The following SATL1 variants were observed in gnomAD, a reference collection of about 807,000 sequenced individuals.
The protein encoded by SATL1 is spermidine/spermine N(1)-acetyltransferase-like protein 1.
SATL1 carries 47 observed loss-of-function variants against 51.8 expected under a neutral mutation model. The observed-to-expected ratio is 0.91, with a 90% CI of 0.72 to 1.16. The LOEUF is 1.16. SATL1 is among the 50% of genes most tolerant of loss of function. The pLI, the probability that SATL1 is intolerant of heterozygous loss-of-function variation, is 0.00. For synonymous variants in SATL1, 176 were observed against 182.4 expected, an observed-to-expected ratio of 0.97 and a Z score of 0.28; for missense variants, 520 against 526.4, an observed-to-expected ratio of 0.99 and a Z score of 0.12.
At chrX:85,124,123 C>G (rs1319702213) in intron 2 of SATL1, among the ~76,000 whole-genome samples, 3 of 111,914 alleles carry the variant, frequency 2.7e-5, no homozygotes, top group African/African-American at 9.7e-5. Flanking sequence ...TAGTTGTTTA[C>G]AATCCAACTT....
intron 1 of SATL1, among the ~76,000 whole-genome samples, chrX:85,239,307 C>T (rs1425649800): frequency 9.0e-6 from 1 of 110,801 alleles, no homozygotes; most frequent in East Asian, 2.8e-4. Flanking sequence ...TTGGTACAAA[C>T]CTAACAAAGC....
chrX:85,215,289 A>C (rs1413278888), intron 2 of SATL1, among the ~76,000 whole-genome samples: 2 of 111,348 alleles, frequency 1.8e-5, no homozygotes, highest in Non-Finnish European at 3.8e-5. Context: ...CTGTCTTCTT[A>C]GGTCTCTGGG....
At chrX:85,110,261 A>C (rs1721680833) in intron 2 of SATL1, among the ~76,000 whole-genome samples, 1 of 111,017 alleles carries the variant, frequency 9.0e-6, no homozygotes, top group African/African-American at 3.3e-5. Context: ...CCTCTTAAAC[A>C]CATTCCACTC....
chrX:85,136,123 G>A (rs1925949268), intron 2 of SATL1, among the ~76,000 whole-genome samples: 1 of 109,833 alleles, frequency 9.1e-6, no homozygotes, highest in Non-Finnish European at 1.9e-5. Context: ...CTGGATTTTG[G>A]GCTTTCATGA....
intron 1 of SATL1, among the ~76,000 whole-genome samples, chrX:85,237,813 A>G (rs1172848553): frequency 9.0e-6 from 1 of 111,558 alleles, no homozygotes; most frequent in Non-Finnish European, 1.9e-5. Context: ...CAAACTACCC[A>G]TCTGACAAGG....
chrX:85,094,766 T>A lies in SATL1; in HGVS notation c.1774+150A>T, dbSNP rs915285948. The stretch of plus-strand genomic sequence containing the variant: ...CTTAATAATAATGTTTATACAAACA[T>A]AAGTACATACCATGCATTTTCTTTA... On this transcript the variant is annotated intron_variant, in intron 5 of 7. Transcript: ENST00000644105. The A allele has an allele frequency of 1.1e-4, 46 of 420,768 alleles. No homozygotes were observed. The African/African-American group carries it at 1.1e-3, about 10-fold the overall frequency. The allele number at this position is 420,768 out of a possible 1,213,427, so 34.7% of individuals were successfully genotyped here. A position where few individuals can be genotyped will look rare whatever the true frequency, so the allele number is the denominator to read the frequency against.
At chrX:85,197,375 A>C (rs903655707) in intron 2 of SATL1, among the ~76,000 whole-genome samples, 1 of 111,554 alleles carries the variant, frequency 9.0e-6, no homozygotes, top group South Asian at 3.7e-4. Context: ...TTACAAAAAA[A>C]TCCTTTTAGT....
At chrX:85,189,239 T>C (rs751247285) in intron 2 of SATL1, among the ~76,000 whole-genome samples, 12 of 111,768 alleles carry the variant, frequency 1.1e-4, no homozygotes, top group African/African-American at 3.6e-4. Context: ...ACAGTCAAAC[T>C]CCTGGGCTCA....
At chrX:85,168,516 T>C in intron 2 of SATL1, among the ~76,000 whole-genome samples, 1 of 111,247 alleles carries the variant, frequency 9.0e-6, no homozygotes, top group South Asian at 3.8e-4. Context: ...AGGAATGAAC[T>C]CCCATTTACA....
At chrX:85,177,615 T>A (rs1249454748) in intron 2 of SATL1, among the ~76,000 whole-genome samples, 1 of 111,595 alleles carries the variant, frequency 9.0e-6, no homozygotes, top group African/African-American at 3.2e-5. Context: ...ATATACCCAA[T>A]TTGGGTGGTT....
intron 2 of SATL1, among the ~76,000 whole-genome samples, chrX:85,160,435 C>T (rs763255691): frequency 1.3e-3 from 145 of 110,326 alleles, no homozygotes; most frequent in African/African-American, 4.6e-3. Context: ...AACTAAGGAT[C>T]ACAGTAAAAC....
intron 2 of SATL1, among the ~76,000 whole-genome samples, chrX:85,118,992 AATT>A (rs1925446844): frequency 8.9e-6 from 1 of 112,021 alleles, no homozygotes; most frequent in South Asian, 3.7e-4. Context: ...TATTTCAAAA[AATT>A]ATTATCATTC....
At chrX:85,239,922 C>T (rs1928553047) in intron 1 of SATL1, among the ~76,000 whole-genome samples, 1 of 107,126 alleles carries the variant, frequency 9.3e-6, no homozygotes. Flanking sequence ...TTAAAACTGA[C>T]ACCAAAGCAC....
chrX:85,141,277 C>T (rs1926102552), intron 2 of SATL1, among the ~76,000 whole-genome samples: 1 of 112,011 alleles, frequency 8.9e-6, no homozygotes, highest in Non-Finnish European at 1.9e-5. Flanking sequence ...AATTAACACT[C>T]CCAGCCTCTG....
intron 4 of SATL1, among the ~76,000 whole-genome samples, chrX:85,099,820 A>T (rs1232690705): frequency 8.9e-6 from 1 of 112,623 alleles, no homozygotes; most frequent in African/African-American, 3.2e-5. Flanking sequence ...CCCTAAGATT[A>T]GGAAGAAGAC....
chrX:85,220,664 A>AC, intron 2 of SATL1, among the ~76,000 whole-genome samples: 1 of 70,177 alleles, frequency 1.4e-5, no homozygotes, highest in Non-Finnish European at 2.8e-5. Flanking sequence ...AAAAAAAAAA[A>AC]AAAAAAAAAA....
chrX:85,139,312 G>A (rs1345679070), intron 2 of SATL1, among the ~76,000 whole-genome samples: 4 of 111,535 alleles, frequency 3.6e-5, no homozygotes, highest in African/African-American at 6.5e-5. Flanking sequence ...TATCATATAC[G>A]TAAATTGGGT....
chrX:85,140,582 T>C (rs974257789), intron 2 of SATL1, among the ~76,000 whole-genome samples: 6 of 112,234 alleles, frequency 5.3e-5, no homozygotes, highest in Middle Eastern at 4.2e-3. Flanking sequence ...TTTAATGAAT[T>C]ATTTAAATAC....
intron 2 of SATL1, chrX:85,219,823 A>G (rs932373082): frequency 5.5e-5 from 6 of 109,545 alleles, no homozygotes; most frequent in Non-Finnish European, 1.1e-4. Flanking sequence ...AAGGGTACTC[A>G]GAGTGGAGCA....
Sources: allele counts gnomAD v4.1 joint callset (sites outside exome capture counted in the v4.1 genomes callset), GRCh38; gene constraint gnomAD v4.1.1; transcripts MANE v1.5; gene names NCBI Gene and HGNC (gene_info 2026-07-23, HGNC 2026-07-21).